Variants in FMNL2 observed in about 807,000 individuals in gnomAD.
The protein encoded by FMNL2 is formin like 2, also known as formin-like protein 2.
A neutral mutation model predicts 130.2 loss-of-function variants in FMNL2; 51 were observed. The observed-to-expected ratio is 0.39, with a 90% confidence interval of 0.31 to 0.49. FMNL2 has a LOEUF of 0.49. FMNL2 is among the 20% of genes least tolerant of loss of function. The pLI, the probability that FMNL2 is intolerant of heterozygous loss-of-function variation, is 0.85. For missense variants in FMNL2, 977 were observed against 1,316.2 expected, an observed-to-expected ratio of 0.74 and a Z score of 3.99; for synonymous variants, 465 against 467.1, an observed-to-expected ratio of 1.00 and a Z score of 0.06.
intron 3 of FMNL2, among the ~76,000 whole-genome samples, chr2:152,546,925 C>G (rs1372561740): frequency 1.3e-5 from 2 of 151,702 alleles, no homozygotes; most frequent in African/African-American, 4.8e-5. Flanking sequence ...AGCTGCCCAT[C>G]CTGCATTACT....
At chr2:152,589,842 T>A (rs1697288247) in intron 9 of FMNL2, among the ~76,000 whole-genome samples, 1 of 150,684 alleles carries the variant, frequency 6.6e-6, no homozygotes, top group Non-Finnish European at 1.5e-5. Context: ...GCTCTTCTAC[T>A]CCCTCACTCC....
chr2:152,389,979 C>G (rs1251963130), intron 1 of FMNL2: 4 of 1,420,486 alleles, frequency 2.8e-6, no homozygotes, highest in Non-Finnish European at 4.0e-6. Flanking sequence ...TAAAGGCAGA[C>G]AGGCAGAGAG....
chr2:152,620,695 C>G (rs1211343387), intron 15 of FMNL2, among the ~76,000 whole-genome samples: 3 of 152,182 alleles, frequency 2.0e-5, no homozygotes, highest in African/African-American at 7.2e-5. Context: ...GTAAAGATTT[C>G]CCAATCTCCA....
chr2:152,346,439 A>G (rs780358984), intron 1 of FMNL2, among the ~76,000 whole-genome samples: 21 of 151,936 alleles, frequency 1.4e-4, no homozygotes, highest in Admixed American at 3.3e-4. Context: ...TGAGGCCTGG[A>G]GTTTGAGACC....
chr2:152,607,293 G>A (rs977139852), intron 9 of FMNL2, 46 bp from the exon 10 acceptor site: 15 of 1,515,020 alleles, frequency 9.9e-6, no homozygotes, highest in African/African-American at 1.4e-5. Flanking sequence ...ATTTTGGAAT[G>A]TTTATGTTTA....
chr2:152,632,573 A>G (rs575433552), intron 21 of FMNL2, among the ~76,000 whole-genome samples: 7 of 152,214 alleles, frequency 4.6e-5, no homozygotes, highest in Non-Finnish European at 1.0e-4. Flanking sequence ...CTTGGTTGCT[A>G]CTTTGCTAAG....
chr2:152,353,186 G>A (rs1312102021), intron 1 of FMNL2, among the ~76,000 whole-genome samples: 5 of 152,160 alleles, frequency 3.3e-5, no homozygotes, highest in African/African-American at 1.2e-4. Flanking sequence ...TGTTTATAAT[G>A]TGCTATAGAA....
chr2:152,541,044 C>T (rs35524987), intron 2 of FMNL2, among the ~76,000 whole-genome samples: 4,908 of 152,164 alleles, frequency 0.032, 127 homozygotes, highest in Middle Eastern at 0.068. Context: ...CAAAAAATTC[C>T]GTTGTGGAGT....
At chr2:152,526,918 T>C (rs545329601) in intron 2 of FMNL2, among the ~76,000 whole-genome samples, 22 of 152,298 alleles carry the variant, frequency 1.4e-4, no homozygotes, top group African/African-American at 4.6e-4. Context: ...TTTCTTAATA[T>C]CTCCTGTTGT....
rs890662335 is a variant in FMNL2, at chr2:152,636,355, C to A, written c.2681-72C>A. On this transcript the variant is annotated intron_variant, in intron 21 of 25. Transcript: ENST00000288670. ...GCCTAAGAATCTCCTGAGAACTTGGCCCAGCAGCCAGATTCGCTGTGGTTG... is the reference window on the plus strand; with the variant it reads ...GCCTAAGAATCTCCTGAGAACTTGGACCAGCAGCCAGATTCGCTGTGGTTG... 9 of 1,497,452 alleles carry A rather than the reference C, an allele frequency of 6.0e-6. No homozygotes were observed. The African/African-American group carries it at 1.1e-4, about 18-fold the overall frequency. 92.8% of individuals were successfully genotyped at this position (1,497,452 alleles called of 1,614,324 possible). A position where few individuals can be genotyped will look rare whatever the true frequency, so the allele number is the denominator to read the frequency against.
chr2:152,528,353 C>G (rs1201780669), intron 2 of FMNL2, among the ~76,000 whole-genome samples: 1 of 152,166 alleles, frequency 6.6e-6, no homozygotes, highest in Non-Finnish European at 1.5e-5. Context: ...TGTGTTCTCT[C>G]ATAGACCTGG....
chr2:152,611,280 A>G (rs1698665757), intron 10 of FMNL2, among the ~76,000 whole-genome samples: 1 of 152,162 alleles, frequency 6.6e-6, no homozygotes, highest in Non-Finnish European at 1.5e-5. Context: ...CGGAGGTTGC[A>G]GTGAGCCGAG....
chr2:152,450,839 A>G (rs1688600095), intron 1 of FMNL2, among the ~76,000 whole-genome samples: 2 of 152,328 alleles, frequency 1.3e-5, no homozygotes, highest in South Asian at 4.1e-4. Context: ...GACGGTTGTC[A>G]TCTTTACAAA....
intron 12 of FMNL2, 131 bp downstream of exon 12, chr2:152,615,131 G>A (rs1559010761): frequency 3.4e-6 from 3 of 889,448 alleles, no homozygotes; most frequent in Non-Finnish European, 5.1e-6. Context: ...GCAAGAGAGA[G>A]CTATCAGAAG....
At chr2:152,349,617 G>A (rs1225044226) in intron 1 of FMNL2, among the ~76,000 whole-genome samples, 3 of 152,200 alleles carry the variant, frequency 2.0e-5, no homozygotes, top group Non-Finnish European at 2.9e-5. Flanking sequence ...GTTATATGCT[G>A]CAAAATCTGA....
At chr2:152,403,155 A>C (rs902706373) in intron 1 of FMNL2, among the ~76,000 whole-genome samples, 2 of 151,612 alleles carry the variant, frequency 1.3e-5, no homozygotes, top group African/African-American at 4.9e-5. Flanking sequence ...TATCAGTGTG[A>C]CTTATCACAT....
chr2:152,364,763 C>A (rs561568218), intron 1 of FMNL2, among the ~76,000 whole-genome samples: 1 of 152,204 alleles, frequency 6.6e-6, no homozygotes, highest in Non-Finnish European at 1.5e-5. Context: ...TTCAAGAGAG[C>A]TTTTAGCTGG....
chr2:152,479,644 A>G (rs1355054390), intron 1 of FMNL2, among the ~76,000 whole-genome samples: 9 of 151,900 alleles, frequency 5.9e-5, no homozygotes, highest in Non-Finnish European at 1.0e-4. Context: ...TTACTTGGAA[A>G]GAAAAAGCTT....
chr2:152,406,147 C>T (rs1341801478), intron 1 of FMNL2, among the ~76,000 whole-genome samples: 1 of 118,808 alleles, frequency 8.4e-6, no homozygotes, highest in South Asian at 2.4e-4. Flanking sequence ...GTATGCTGCA[C>T]ATTTTTTTCC....
Sources: gnomAD v4.1 joint callset for allele counts (sites outside exome capture counted in the v4.1 genomes callset) on GRCh38, gnomAD v4.1.1 for gene constraint, MANE v1.5 for transcripts, NCBI Gene and HGNC (gene_info 2026-07-23, HGNC 2026-07-21) for gene names.